Variants in NR3C2 observed in about 807,000 individuals in gnomAD.
NR3C2 encodes nuclear receptor subfamily 3 group C member 2.
NR3C2 carries 15 observed loss-of-function variants against 86.4 expected under a neutral mutation model. The observed-to-expected ratio is 0.17, with a 90% CI of 0.12 to 0.27. NR3C2 has a LOEUF of 0.27. NR3C2 is among the 10% of genes least tolerant of loss of function. NR3C2 has a pLI of 1.00. For missense variants in NR3C2, 960 were observed against 1,195.6 expected, an observed-to-expected ratio of 0.80 and a Z score of 2.91; for synonymous variants, 458 against 450.5, an observed-to-expected ratio of 1.02 and a Z score of -0.21.
chr4:148,123,084 T>TG (rs1474208338), intron 6 of NR3C2, among the ~76,000 whole-genome samples: 2 of 152,058 alleles, frequency 1.3e-5, no homozygotes, highest in African/African-American at 4.8e-5. Flanking sequence ...ATTAATACCC[T>TG]GGGGAAGGAA....
At chr4:148,294,647 C>T (rs1156238072) in intron 2 of NR3C2, among the ~76,000 whole-genome samples, 1 of 146,182 alleles carries the variant, frequency 6.8e-6, no homozygotes, top group Non-Finnish European at 1.5e-5. Flanking sequence ...CATTCTAGCT[C>T]AAAAATTCCT....
At chr4:148,321,729 T>C (rs1336532015) in intron 2 of NR3C2, among the ~76,000 whole-genome samples, 2 of 152,202 alleles carry the variant, frequency 1.3e-5, no homozygotes, top group Non-Finnish European at 2.9e-5. Flanking sequence ...TCCATTTTCT[T>C]GGTAGATCTT....
intron 8 of NR3C2, among the ~76,000 whole-genome samples, chr4:148,104,329 G>GTGTTTTTGTTTGTTT (rs148860343): frequency 0.24 from 29,923 of 124,476 alleles, 4,112 homozygotes; most frequent in East Asian, 0.59. Context: ...TTGTTTTTTT[G>GTGTTTTTGTTTGTTT]TGTTTTGGTT....
chr4:148,399,378 A>T (rs558011129), intron 2 of NR3C2, among the ~76,000 whole-genome samples: 2 of 151,900 alleles, frequency 1.3e-5, no homozygotes, highest in East Asian at 3.9e-4. Context: ...TTCTATATTA[A>T]TTATATATAA....
intron 6 of NR3C2, among the ~76,000 whole-genome samples, chr4:148,140,245 C>T (rs1157887350): frequency 6.6e-6 from 1 of 152,224 alleles, no homozygotes; most frequent in Admixed American, 6.5e-5. Context: ...TGTCTCACAC[C>T]TGTAAACCCA....
chr4:148,177,108 T>TA (rs1415226756), intron 4 of NR3C2, among the ~76,000 whole-genome samples: 1 of 152,202 alleles, frequency 6.6e-6, no homozygotes, highest in Non-Finnish European at 1.5e-5. Context: ...TGTCAAACTG[T>TA]AAATCATCAT....
Position 148,087,893 on chromosome 4 carries a change from C to T in NR3C2, c.2800-6394G>A, listed in dbSNP as rs181025684. On this transcript the variant is annotated intron_variant, in intron 8 of 8. Coordinates refer to ENST00000358102, the MANE Select transcript of NR3C2 (RefSeq NM_000901.5). Reference sequence around the variant, plus strand: ...TGGCATCTAATAAACTAAAGAGCTTCTGCACAGCAAAAGAAACTATCATCA... The same window carrying T: ...TGGCATCTAATAAACTAAAGAGCTTTTGCACAGCAAAAGAAACTATCATCA... Among the ~76,000 whole-genome samples the T allele has an allele frequency of 3.8e-4, 58 of 152,342 alleles. 1 individual carries two copies. The highest frequency in any genetic ancestry group is 1.1e-3 in the African/African-American group (45 of 41,578).
intron 4 of NR3C2, among the ~76,000 whole-genome samples, chr4:148,155,158 C>A (rs1734305687): frequency 6.6e-6 from 1 of 152,150 alleles, no homozygotes; most frequent in South Asian, 2.1e-4. Flanking sequence ...ACTGTATAAG[C>A]TGCATAGGAA....
intron 4 of NR3C2, among the ~76,000 whole-genome samples, chr4:148,171,265 C>T (rs1329769875): frequency 6.6e-6 from 1 of 152,194 alleles, no homozygotes; most frequent in East Asian, 1.9e-4. Context: ...TTTCCCTATT[C>T]CATGCCAATT....
rs1038673802 is a variant in NR3C2 at position 148,155,365 on chromosome 4, C to T, written c.2015-464G>A. Among the ~76,000 whole-genome samples, 5 of 152,164 alleles carry T rather than the reference C, an allele frequency of 3.3e-5. 1 individual carries two copies. Among genetic ancestry groups the T allele is most frequent in the African/African-American group, 1.2e-4 (5 of 41,430 alleles). On this transcript the variant is annotated intron_variant, in intron 4 of 8. Transcript: ENST00000358102. ...ACATGATTGTATATCTAGAAAACCC[C>T]ACTGTCTCAGCCCAAAATCTCTTTA...
intron 2 of NR3C2, among the ~76,000 whole-genome samples, chr4:148,412,666 T>G (rs1748763353): frequency 6.6e-6 from 1 of 152,240 alleles, no homozygotes; most frequent in East Asian, 1.9e-4. Flanking sequence ...AAAACTCAAC[T>G]GTCAGCACAT....
intron 2 of NR3C2, among the ~76,000 whole-genome samples, chr4:148,344,637 A>T (rs752088881): frequency 4.6e-5 from 7 of 152,138 alleles, no homozygotes; most frequent in Non-Finnish European, 7.4e-5. Context: ...ACATCTGTTT[A>T]CCTCCACTGC....
At chr4:148,443,266 A>AAAG (rs2126677050), upstream of NR3C2, among the ~76,000 whole-genome samples, 4 of 148,676 alleles carry the variant, frequency 2.7e-5, no homozygotes, top group South Asian at 8.6e-4. Flanking sequence ...AGAGAGAGAG[A>AAAG]AAGATAAATG....
intron 8 of NR3C2, among the ~76,000 whole-genome samples, chr4:148,103,430 C>T (rs938317337): frequency 6.6e-6 from 1 of 152,198 alleles, no homozygotes; most frequent in Non-Finnish European, 1.5e-5. Context: ...AGTAGACTCA[C>T]GGCCCAAAAG....
chr4:148,159,123 G>C (rs1734539716), intron 4 of NR3C2, among the ~76,000 whole-genome samples: 1 of 152,064 alleles, frequency 6.6e-6, no homozygotes, highest in African/African-American at 2.4e-5. Flanking sequence ...TAAAATTTAA[G>C]CTCTTCAAAG....
rs1201928036 is a variant in NR3C2 at position 148,318,023 on chromosome 4, C to A, written c.1758-57906G>T. 6.7e-5 allele frequency among the ~76,000 whole-genome samples: 8 copies of A among 120,244 alleles called. No homozygotes were observed. The Admixed American group carries it at 7.7e-4, about 12-fold the overall frequency. 78.9% of individuals were successfully genotyped at this position (120,244 alleles called of 152,430 possible). On this transcript the variant is annotated intron_variant, in intron 2 of 8. Transcript: ENST00000358102. The stretch of plus-strand genomic sequence containing the variant: ...TATATCTCCCAATGCTATCCCTCCC[C>A]CCTCCCCCCACCCCACAACAGTCCC...
chr4:148,304,147 G>C (rs1040204881), intron 2 of NR3C2, among the ~76,000 whole-genome samples: 1 of 151,690 alleles, frequency 6.6e-6, no homozygotes, highest in Non-Finnish European at 1.5e-5. Context: ...TCCTTTTTCC[G>C]CCTCTGTCCT....
At chr4:148,336,554 G>A (rs1200563912) in intron 2 of NR3C2, among the ~76,000 whole-genome samples, 1 of 152,126 alleles carries the variant, frequency 6.6e-6, no homozygotes, top group East Asian at 1.9e-4. Context: ...GGCCTACACA[G>A]TGCTATGTTA....
intron 3 of NR3C2, among the ~76,000 whole-genome samples, chr4:148,225,893 A>G (rs114568811): frequency 0.013 from 2,007 of 152,232 alleles, 52 homozygotes; most frequent in African/African-American, 0.046. Context: ...TTCCTCTTTC[A>G]ACAAGGACTT....
Sources: gnomAD v4.1 joint callset for allele counts (sites outside exome capture counted in the v4.1 genomes callset) on GRCh38, gnomAD v4.1.1 for gene constraint, MANE v1.5 for transcripts, NCBI Gene and HGNC (gene_info 2026-07-23, HGNC 2026-07-21) for gene names.